The following C19orf47 variants were observed in gnomAD, a reference collection of about 807,000 sequenced individuals.
The protein encoded by C19orf47 is chromosome 19 open reading frame 47.
In C19orf47, 18 loss-of-function variants were observed where a neutral mutation model predicts 32.3. The observed-to-expected ratio is 0.56, with a 90% CI of 0.39 to 0.83. C19orf47 has a LOEUF of 0.83. C19orf47 is among the 40% of genes least tolerant of loss of function. The probability of loss-of-function intolerance (pLI) is 0.00; values close to 1 mark genes in which losing one functional copy is unlikely to be tolerated. For missense variants in C19orf47, 484 were observed against 531.6 expected (o/e 0.91, Z 0.88); for synonymous variants, 202 against 211.1 (o/e 0.96, Z 0.37).
chr19:40,313,485 G>A, the C19orf47 span, among the ~76,000 whole-genome samples: 15 of 151,870 alleles, frequency 9.9e-5, no homozygotes, highest in Non-Finnish European at 5.9e-5. Context: ...CCACCACGCC[G>A]AGCTAATTTT....
the C19orf47 span, among the ~76,000 whole-genome samples, chr19:40,302,035 C>T: frequency 6.6e-6 from 1 of 151,608 alleles, no homozygotes; most frequent in African/African-American, 2.4e-5. Context: ...GTGGTGGGCA[C>T]CTGTAATCCC....
At chr19:40,301,152 A>G in the C19orf47 span, among the ~76,000 whole-genome samples, 1 of 151,928 alleles carries the variant, frequency 6.6e-6, no homozygotes, top group Non-Finnish European at 1.5e-5. Context: ...ACTCTGTCTC[A>G]GAAAATAAAA....
At chr19:40,325,763 T>C (rs907427640) in intron 7 of C19orf47, among the ~76,000 whole-genome samples, 1 of 152,200 alleles carries the variant, frequency 6.6e-6, no homozygotes, top group African/African-American at 2.4e-5. Context: ...TTTTACTGAA[T>C]ATGTTTCTGT....
chr19:40,324,384 A>C (rs971639160), intron 7 of C19orf47: 7 of 421,538 alleles, frequency 1.7e-5, no homozygotes, highest in Non-Finnish European at 3.0e-5. Flanking sequence ...TCTTGGGGTC[A>C]GGGACCTCTG....
At chr19:40,348,482 G>A (rs959825141), upstream of C19orf47, 50 of 1,497,230 alleles carry the variant, frequency 3.3e-5, no homozygotes, top group Non-Finnish European at 4.4e-5. Context: ...TACCCCAACA[G>A]GCCGCCACCA....
the C19orf47 span, among the ~76,000 whole-genome samples, chr19:40,307,195 A>G: frequency 6.9e-6 from 1 of 145,860 alleles, no homozygotes; most frequent in African/African-American, 2.5e-5. Flanking sequence ...TCCCCGGTTC[A>G]AGTGATTCTT....
At position 40,348,309 on chromosome 19, in the gene C19orf47, C is replaced by T; in HGVS notation, c.-34+15G>A. The stretch of plus-strand genomic sequence containing the variant: ...GCAACCGGCCCAGTCCCACCACCCC[C>T]GGCCCGCGCCTCACCTGGCCCACCG... On this transcript the variant is annotated intron_variant, in intron 1 of 8. Transcript: ENST00000683109. 7.5e-7 allele frequency: 1 copy of T among 1,339,806 alleles called. No individual in the cohort carries two copies. Among genetic ancestry groups the T allele is most frequent in the Non-Finnish European group, 9.5e-7 (1 of 1,048,818 alleles). The allele number at this position is 1,339,806 out of a possible 1,614,324, so 83.0% of individuals were successfully genotyped here. A position where few individuals can be genotyped will look rare whatever the true frequency, so the allele number is the denominator to read the frequency against.
upstream of C19orf47, chr19:40,348,465 G>A (rs1214785927): frequency 2.0e-6 from 3 of 1,500,444 alleles, no homozygotes; most frequent in Non-Finnish European, 2.6e-6. Context: ...CTCGTCCGCG[G>A]CCGCTCTACC....
the C19orf47 span, among the ~76,000 whole-genome samples, chr19:40,295,156 G>T: frequency 6.6e-6 from 1 of 151,904 alleles, no homozygotes; most frequent in Non-Finnish European, 1.5e-5. Flanking sequence ...CAAGTAGCTG[G>T]GATTACAGGT....
intron 6 of C19orf47, 91 bp from the exon 7 acceptor site, chr19:40,326,577 A>G: frequency 7.0e-7 from 1 of 1,419,696 alleles, no homozygotes; most frequent in South Asian, 1.3e-5. Context: ...TTATCTCCAC[A>G]CATTCATGAC....
At chr19:40,325,686 T>C (rs2077814474) in intron 7 of C19orf47, among the ~76,000 whole-genome samples, 2 of 152,218 alleles carry the variant, frequency 1.3e-5, no homozygotes, top group African/African-American at 2.4e-5. Context: ...GTTATGTATG[T>C]ACCTAGATGC....
In C19orf47 at chr19:40,326,474, C is replaced by A. The variant is rs144750791; in HGVS notation, c.452G>T (p.Arg151Leu). ...KSAKATAALA[R>L]REEESLAVPA... ...AACAGCCAGGCTCTCCTCCTCCCGG[C>A]GGGCCAGGGCTGCTGGGGGAAGAAA... The change falls in exon 7 of 9, where the codon CGC (arginine) becomes CTC (leucine). Residue 151 changes from arginine to leucine, a missense_variant. Arg to Leu is a moderately radical substitution (Grantham distance 102). Transcript: ENST00000683109. 6 of 1,613,226 alleles carry A rather than the reference C, an allele frequency of 3.7e-6. No homozygotes were observed. In the African/African-American group the frequency reaches 6.7e-5, roughly 18 times the overall value.
Position 40,328,459 on chromosome 19 carries a change from C to A in C19orf47, c.393G>T (p.Ser131=). The A allele has an allele frequency of 1.9e-6, 3 of 1,612,566 alleles. No homozygotes were observed. Among genetic ancestry groups the A allele is most frequent in the South Asian group, 2.2e-5 (2 of 90,864 alleles). The change falls in exon 6 of 9, where the codon TCG becomes TCT. Residue 131 remains serine (S), a synonymous_variant. Coordinates refer to ENST00000683109, the MANE Select transcript of C19orf47 (RefSeq NM_001256441.2). ...CTGCCATCTTGTTGGACACAGTGACCGAGATCTTGGAGGTGCTGGTGTCCG... is the reference window on the plus strand; with the variant it reads ...CTGCCATCTTGTTGGACACAGTGACAGAGATCTTGGAGGTGCTGGTGTCCG... ...RRPDTSTSKI[S]VTVSNKMAAK... is the part of the protein sequence containing the mutation.
rs2077772117 is a variant in C19orf47 at position 40,323,875 on chromosome 19, G to C, written c.663+131C>G. On this transcript the variant is annotated intron_variant, in intron 8 of 8. Coordinates refer to ENST00000683109, the MANE Select transcript of C19orf47 (RefSeq NM_001256441.2). Reference sequence around the variant, plus strand: ...GGGAAAGCCGCCAGTGCAAAGCCAGGAACTGAGGCTGGAAAGGCAGGTTAG... The same window carrying C: ...GGGAAAGCCGCCAGTGCAAAGCCAGCAACTGAGGCTGGAAAGGCAGGTTAG... 4 of 1,122,048 alleles carry C rather than the reference G, an allele frequency of 3.6e-6. No individual in the cohort carries two copies. The African/African-American group carries it at 6.1e-5, about 17-fold the overall frequency. 69.5% of individuals were successfully genotyped at this position (1,122,048 alleles called of 1,614,324 possible). A position where few individuals can be genotyped will look rare whatever the true frequency, so the allele number is the denominator to read the frequency against.
chr19:40,309,931 C>A, the C19orf47 span, among the ~76,000 whole-genome samples: 1 of 152,072 alleles, frequency 6.6e-6, no homozygotes. Context: ...AATGTAAGAT[C>A]ATACAGCTGA....
intron 5 of C19orf47, among the ~76,000 whole-genome samples, chr19:40,329,611 T>C (rs1374335051): frequency 2.0e-5 from 3 of 152,168 alleles, no homozygotes; most frequent in Non-Finnish European, 2.9e-5. Context: ...ACATTATTGG[T>C]ACCCAGAAGT....
At chr19:40,309,212 GAC>G in the C19orf47 span, among the ~76,000 whole-genome samples, 1 of 139,448 alleles carries the variant, frequency 7.2e-6, no homozygotes, top group Non-Finnish European at 1.5e-5. Flanking sequence ...TTTTTTTTGA[GAC>G]ACAGTCTCAC....
intron 7 of C19orf47, 36 bp from the exon 8 acceptor site, chr19:40,324,112 G>T (rs761904752): frequency 1.9e-6 from 3 of 1,608,780 alleles, no homozygotes; most frequent in Non-Finnish European, 2.6e-6. Context: ...GAGAGGCCCC[G>T]GTGGGCCAGG....
chr19:40,335,905 G>A (rs560660021), intron 4 of C19orf47, among the ~76,000 whole-genome samples: 5 of 152,296 alleles, frequency 3.3e-5, no homozygotes, highest in South Asian at 2.1e-4. Context: ...CACCGCACCC[G>A]GCCAGGTTTG....
Sources: gnomAD v4.1 joint callset for allele counts (sites outside exome capture counted in the v4.1 genomes callset) on GRCh38, gnomAD v4.1.1 for gene constraint, MANE v1.5 for transcripts, NCBI Gene and HGNC (gene_info 2026-07-23, HGNC 2026-07-21) for gene names.